Variants in LARGE1 observed in about 807,000 individuals in gnomAD.
LARGE1 encodes the protein xylosyl- and glucuronyltransferase LARGE1.
Under a neutral mutation model 87.6 loss-of-function variants are expected in LARGE1, and 43 were observed. That is an observed-to-expected ratio of 0.49 (90% CI 0.38 to 0.63). The LOEUF is 0.63. LARGE1 is among the 30% of genes least tolerant of loss of function. The probability of loss-of-function intolerance (pLI) is 0.00; values close to 1 mark genes in which losing one functional copy is unlikely to be tolerated. For missense variants in LARGE1, 802 were observed against 1,000.2 expected (o/e 0.80, Z 2.67); for synonymous variants, 434 against 394.6 (o/e 1.10, Z -1.18).
At chr22:33,311,451 T>C (rs1935579452) in intron 11 of LARGE1, among the ~76,000 whole-genome samples, 1 of 152,208 alleles carries the variant, frequency 6.6e-6, no homozygotes, top group African/African-American at 2.4e-5. Context: ...AGATAGCAAA[T>C]TCTATAGCCA....
chr22:33,432,277 A>G lies in LARGE1; in HGVS notation c.788-12T>C. 6.2e-7 allele frequency: 1 copy of G among 1,601,398 alleles called. No individual in the cohort carries two copies. ...CAGGACTTGCTGACCTGTGAGGTAC[A>G]GAGAATACAAACATCTTAAAAGGAG... is the stretch of plus-strand genomic sequence containing the variant. On this transcript the variant is annotated splice_polypyrimidine_tract_variant and intron_variant, in intron 6 of 14. Transcript: ENST00000397394.
intron 14 of LARGE1, among the ~76,000 whole-genome samples, chr22:33,276,501 T>C (rs1378629819): frequency 6.6e-6 from 1 of 152,258 alleles, no homozygotes; most frequent in Non-Finnish European, 1.5e-5. Context: ...TGTGTGCTGA[T>C]CCTTGGTTTC....
At chr22:33,478,089 T>A (rs914575452) in intron 6 of LARGE1, among the ~76,000 whole-genome samples, 1 of 152,146 alleles carries the variant, frequency 6.6e-6, no homozygotes, top group Non-Finnish European at 1.5e-5. Flanking sequence ...TCAAGTTCAA[T>A]GGGCACTGGG....
chr22:33,592,806 T>C (rs914142478), intron 5 of LARGE1, among the ~76,000 whole-genome samples: 1 of 152,054 alleles, frequency 6.6e-6, no homozygotes, highest in Admixed American at 6.6e-5. Flanking sequence ...CACTTGTGTA[T>C]ATTTTCTTTT....
intron 11 of LARGE1, among the ~76,000 whole-genome samples, chr22:33,228,096 C>G (rs77729867): frequency 6.6e-6 from 1 of 152,346 alleles, no homozygotes; most frequent in South Asian, 2.1e-4. Context: ...AATACTGGCT[C>G]TACCACTTGT....
At chr22:33,104,953 C>CTT in the LARGE1 span, among the ~76,000 whole-genome samples, 444 of 126,734 alleles carry the variant, frequency 3.5e-3, 2 homozygotes, top group East Asian at 0.01. Flanking sequence ...CTTTCTCTTT[C>CTT]TCTCTTTCTC....
At chr22:33,830,471 C>G (rs2062933124) in intron 1 of LARGE1, among the ~76,000 whole-genome samples, 1 of 152,186 alleles carries the variant, frequency 6.6e-6, no homozygotes, top group African/African-American at 2.4e-5. Context: ...TGCCAGATGG[C>G]CTGCCTTTGA....
chr22:33,069,605 A>G, the LARGE1 span, among the ~76,000 whole-genome samples: 80,332 of 151,912 alleles, frequency 0.53, 22,498 homozygotes, highest in African/African-American at 0.72. Flanking sequence ...TTCATTATGA[A>G]CTAAAATAAT....
At chr22:33,637,179 A>G (rs1056964081) in intron 3 of LARGE1, among the ~76,000 whole-genome samples, 2 of 152,196 alleles carry the variant, frequency 1.3e-5, no homozygotes, top group African/African-American at 4.8e-5. Context: ...AGGGTAAAAG[A>G]CACAGGAATG....
intron 6 of LARGE1, among the ~76,000 whole-genome samples, chr22:33,544,428 T>G (rs2077296287): frequency 6.6e-6 from 1 of 152,182 alleles, no homozygotes; most frequent in Non-Finnish European, 1.5e-5. Context: ...GGCTCACGCC[T>G]GTAATCCCAG....
intron 2 of LARGE1, among the ~76,000 whole-genome samples, chr22:33,687,654 T>G (rs1006677411): frequency 1.2e-4 from 19 of 152,066 alleles, no homozygotes; most frequent in Admixed American, 7.9e-4. Context: ...TGTTATTGAC[T>G]TCTCAGTTAT....
chr22:33,723,997 T>A (rs1406716358), intron 2 of LARGE1: 1 of 152,550 alleles, frequency 6.6e-6, no homozygotes, highest in Non-Finnish European at 1.5e-5. Context: ...TGAAGAAGGC[T>A]GCACAGCTTG....
chr22:33,864,436 G>A (rs893347315), intron 1 of LARGE1, among the ~76,000 whole-genome samples: 21 of 152,316 alleles, frequency 1.4e-4, no homozygotes, highest in African/African-American at 4.8e-4. Flanking sequence ...TGCTGGCTTC[G>A]TGTTGCTGGG....
intron 6 of LARGE1, among the ~76,000 whole-genome samples, chr22:33,450,919 G>A (rs2067890532): frequency 6.6e-6 from 1 of 152,132 alleles, no homozygotes; most frequent in Admixed American, 6.6e-5. Context: ...ACACACACAA[G>A]AGCCTTCTCA....
the LARGE1 span, among the ~76,000 whole-genome samples, chr22:33,122,254 AC>A: frequency 6.6e-6 from 1 of 150,796 alleles, no homozygotes; most frequent in Non-Finnish European, 1.5e-5. Context: ...GAACTGCCTC[AC>A]CCCCCTCCAC....
downstream of LARGE1, among the ~76,000 whole-genome samples, chr22:33,271,023 C>G (rs1928214959): frequency 6.6e-6 from 1 of 152,198 alleles, no homozygotes; most frequent in Admixed American, 6.5e-5. Context: ...TAGAGTGGAA[C>G]CCAGCTGTCT....
intron 11 of LARGE1, among the ~76,000 whole-genome samples, chr22:33,235,493 T>G (rs1385703052): frequency 6.6e-6 from 1 of 152,168 alleles, no homozygotes; most frequent in Non-Finnish European, 1.5e-5. Context: ...CAAACGGATC[T>G]CTCATGTAGT....
At chr22:33,737,977 CCACA>C (rs757326819) in intron 2 of LARGE1, among the ~76,000 whole-genome samples, 20 of 151,710 alleles carry the variant, frequency 1.3e-4, no homozygotes, top group Non-Finnish European at 2.7e-4. Flanking sequence ...AGACAACCTG[CCACA>C]CACACACACA....
At chr22:33,271,758 G>A (rs1928259839), downstream of LARGE1, among the ~76,000 whole-genome samples, 2 of 152,234 alleles carry the variant, frequency 1.3e-5, no homozygotes, top group Non-Finnish European at 2.9e-5. Context: ...GCAGGCTGCT[G>A]GCTCTGCGGA....
Sources: allele counts gnomAD v4.1 joint callset (sites outside exome capture counted in the v4.1 genomes callset), GRCh38; gene constraint gnomAD v4.1.1; transcripts MANE v1.5; gene names NCBI Gene and HGNC (gene_info 2026-07-23, HGNC 2026-07-21).